The following OSBPL11 variants were observed in gnomAD, a reference collection of about 807,000 sequenced individuals.
OSBPL11 encodes the protein oxysterol-binding protein-related protein 11.
In OSBPL11, 33 loss-of-function variants were observed where a neutral mutation model predicts 84.4. The ratio of observed to expected loss-of-function variants is 0.39; its 90% CI spans 0.30 to 0.52. The LOEUF is 0.52. OSBPL11 is among the 20% of genes least tolerant of loss of function. OSBPL11 has a pLI of 0.72. For synonymous variants in OSBPL11, 276 were observed against 310.2 expected, an observed-to-expected ratio of 0.89 and a Z score of 1.16; for missense variants, 736 against 901.1, an observed-to-expected ratio of 0.82 and a Z score of 2.35.
chr3:125,587,566 A>G (rs1167646625), intron 1 of OSBPL11, among the ~76,000 whole-genome samples: 1 of 152,210 alleles, frequency 6.6e-6, no homozygotes, highest in Non-Finnish European at 1.5e-5. Flanking sequence ...GAATACAGAG[A>G]AGAAATCAGG....
chr3:125,585,235 A>G (rs933003905), intron 1 of OSBPL11, among the ~76,000 whole-genome samples: 4 of 151,896 alleles, frequency 2.6e-5, no homozygotes, highest in African/African-American at 9.7e-5. Context: ...GGCTCATGCG[A>G]TTTTTCTGCC....
chr3:125,589,617 GAA>G lies in OSBPL11; in HGVS notation c.164+5018_164+5019del, dbSNP rs540034650. On this transcript the variant is annotated intron_variant, in intron 1 of 12. Coordinates refer to ENST00000296220, the MANE Select transcript of OSBPL11 (RefSeq NM_022776.5). The stretch of plus-strand genomic sequence containing the variant: ...CAATTTTCCTTTAACCCCTGCAGAG[GAA>G]AAAAAAAAAAAAAGCAGACATTTAT... 2.6e-4 allele frequency among the ~76,000 whole-genome samples: 26 copies of G among 98,494 alleles called. No homozygotes were observed. The South Asian group carries it at 3.1e-3, about 12-fold the overall frequency. 64.6% of individuals were successfully genotyped at this position (98,494 alleles called of 152,430 possible).
intron 1 of OSBPL11, among the ~76,000 whole-genome samples, chr3:125,592,187 T>C (rs1285313726): frequency 6.6e-6 from 1 of 152,114 alleles, no homozygotes; most frequent in Non-Finnish European, 1.5e-5. Context: ...TGAGTAGGCA[T>C]GCCACCATGC....
intron 9 of OSBPL11, among the ~76,000 whole-genome samples, chr3:125,548,034 AC>A (rs1214545147): frequency 6.6e-6 from 1 of 151,966 alleles, no homozygotes; most frequent in African/African-American, 2.4e-5. Flanking sequence ...CCGCCACCAT[AC>A]CTAGCTAATT....
intron 3 of OSBPL11, 66 bp downstream of exon 3, chr3:125,579,799 T>C (rs1936392547): frequency 1.2e-5 from 18 of 1,440,072 alleles, no homozygotes; most frequent in Admixed American, 1.0e-4. Flanking sequence ...TATGAAAGCA[T>C]GTAAGACACC....
intron 8 of OSBPL11, among the ~76,000 whole-genome samples, chr3:125,555,777 C>T (rs766718472): frequency 6.6e-6 from 1 of 152,124 alleles, no homozygotes; most frequent in Admixed American, 6.6e-5. Context: ...CTCCACCTCC[C>T]AGGTTCAAGT....
chr3:125,563,970 T>C (rs1459515382), intron 6 of OSBPL11, 127 bp from the exon 7 acceptor site: 4 of 962,670 alleles, frequency 4.2e-6, no homozygotes, highest in Admixed American at 2.7e-5. Flanking sequence ...TAAGAGACCC[T>C]GCAAGACAGC....
intron 11 of OSBPL11, among the ~76,000 whole-genome samples, chr3:125,534,624 C>T (rs1386649236): frequency 2.7e-5 from 4 of 148,412 alleles, no homozygotes; most frequent in African/African-American, 4.9e-5. Context: ...GAAAATATTT[C>T]GAAATGAAAA....
chr3:125,536,263 G>C (rs547783917), intron 11 of OSBPL11, among the ~76,000 whole-genome samples: 26 of 152,150 alleles, frequency 1.7e-4, no homozygotes, highest in Non-Finnish European at 1.5e-5. Flanking sequence ...ATTTTAAAAA[G>C]GCCAGTTGCA....
intron 12 of OSBPL11, 56 bp from the exon 13 acceptor site, chr3:125,530,636 C>A (rs1935543278): frequency 7.1e-7 from 1 of 1,406,776 alleles, no homozygotes; most frequent in Admixed American, 1.7e-5. Flanking sequence ...AAATCAGTAA[C>A]CAAAACTAGA....
In OSBPL11 at chr3:125,566,058, C is replaced by T. The variant is rs556321623; in HGVS notation, c.868+1336G>A. ...CTCACTCTTGTCACCCAGGCTGGAGCGCAGTGGCACGATCTGGGCTCACTG... is the reference window on the plus strand; with the variant it reads ...CTCACTCTTGTCACCCAGGCTGGAGTGCAGTGGCACGATCTGGGCTCACTG... On this transcript the variant is annotated intron_variant, in intron 6 of 12. Transcript: ENST00000296220. Among the ~76,000 whole-genome samples, 9 of 152,036 alleles carry T rather than the reference C, an allele frequency of 5.9e-5. No individual in the cohort carries two copies. The South Asian group carries it at 1.2e-3, about 21-fold the overall frequency.
intron 11 of OSBPL11, among the ~76,000 whole-genome samples, chr3:125,535,753 G>A (rs556357593): frequency 6.6e-6 from 1 of 151,654 alleles, no homozygotes; most frequent in Non-Finnish European, 1.5e-5. Flanking sequence ...GGGATTATAG[G>A]CGTGAGCCAC....
chr3:125,594,205 C>G (rs187286164), intron 1 of OSBPL11, among the ~76,000 whole-genome samples: 1 of 152,302 alleles, frequency 6.6e-6, no homozygotes, highest in East Asian at 1.9e-4. Flanking sequence ...AGAATCTTTT[C>G]TGATTCTGGA....
intron 6 of OSBPL11, among the ~76,000 whole-genome samples, chr3:125,566,780 G>GTA (rs746626653): frequency 5.3e-4 from 80 of 149,858 alleles, no homozygotes; most frequent in African/African-American, 1.5e-3. Context: ...ATATATGTGT[G>GTA]TATATATATA....
At chr3:125,579,826 AG>A in intron 3 of OSBPL11, 38 bp downstream of exon 3, 2 of 1,589,394 alleles carry the variant, frequency 1.3e-6, no homozygotes, top group Non-Finnish European at 1.7e-6. Flanking sequence ...TCAAAAAAAG[AG>A]GAAAATCACA....
At chr3:125,534,562 C>T (rs1935611691) in intron 11 of OSBPL11, among the ~76,000 whole-genome samples, 2 of 149,692 alleles carry the variant, frequency 1.3e-5, no homozygotes, top group African/African-American at 2.5e-5. Flanking sequence ...ATCATCAACA[C>T]ATTTGTAAAT....
intron 2 of OSBPL11, 30 bp from the exon 3 acceptor site, chr3:125,580,070 G>T: frequency 6.3e-7 from 1 of 1,586,632 alleles, no homozygotes; most frequent in Non-Finnish European, 8.6e-7. Context: ...TCCATAATTT[G>T]TAAACATTTT....
At chr3:125,561,097 A>C (rs529486430) in intron 7 of OSBPL11, among the ~76,000 whole-genome samples, 1 of 152,076 alleles carries the variant, frequency 6.6e-6, no homozygotes. Flanking sequence ...TCCTGGGTTC[A>C]AGCGATTCTC....
At chr3:125,538,886 G>A (rs1192679904) in intron 10 of OSBPL11, among the ~76,000 whole-genome samples, 2 of 152,080 alleles carry the variant, frequency 1.3e-5, no homozygotes, top group Admixed American at 1.3e-4. Flanking sequence ...TATCATTAAT[G>A]TCAAAATGTT....
Sources: gnomAD v4.1 joint callset for allele counts (sites outside exome capture counted in the v4.1 genomes callset) on GRCh38, gnomAD v4.1.1 for gene constraint, MANE v1.5 for transcripts, NCBI Gene and HGNC (gene_info 2026-07-23, HGNC 2026-07-21) for gene names.